Variants in TPTE2 observed in about 807,000 individuals in gnomAD.
The protein encoded by TPTE2 is transmembrane phosphoinositide 3-phosphatase and tensin homolog 2.
Under a neutral mutation model 78.6 loss-of-function variants are expected in TPTE2, and 53 were observed. The ratio of observed to expected loss-of-function variants is 0.67; its 90% CI spans 0.54 to 0.85. The LOEUF is 0.85. Ranked by LOEUF, TPTE2 falls within the 40% of genes least tolerant of loss-of-function variation. The pLI is 0.00. For missense variants in TPTE2, 461 were observed against 623.0 expected, an observed-to-expected ratio of 0.74 and a Z score of 2.77; for synonymous variants, 175 against 206.2, an observed-to-expected ratio of 0.85 and a Z score of 1.30.
chr13:19,441,161 C>T (rs968043658), intron 13 of TPTE2, among the ~76,000 whole-genome samples: 3 of 151,902 alleles, frequency 2.0e-5, no homozygotes, highest in African/African-American at 4.8e-5. Context: ...CAAATTAATA[C>T]AGGAACAAAA....
In TPTE2 at chr13:19,433,489, C is replaced by T. The variant is rs182631846; in HGVS notation, c.1117-911G>A. ...CTGCACTCTAGTCTGGGTGACAGAGCGAGACTCTGTCTCAAAAATTAAAAA... is the reference window on the plus strand; with the variant it reads ...CTGCACTCTAGTCTGGGTGACAGAGTGAGACTCTGTCTCAAAAATTAAAAA... On this transcript the variant is annotated intron_variant, in intron 15 of 19. Transcript: ENST00000400230. 5.3e-5 allele frequency among the ~76,000 whole-genome samples: 8 copies of T among 152,210 alleles called. No homozygotes were observed. The East Asian group carries it at 1.2e-3, about 22-fold the overall frequency.
chr13:19,497,613 C>G (rs1269648288), intron 1 of TPTE2, among the ~76,000 whole-genome samples: 1 of 113,460 alleles, frequency 8.8e-6, no homozygotes, highest in African/African-American at 2.6e-5. Context: ...AGAAAACTAA[C>G]AAACAGAAAG....
At chr13:19,462,645 C>T (rs1469460285) in intron 10 of TPTE2, among the ~76,000 whole-genome samples, 1 of 151,152 alleles carries the variant, frequency 6.6e-6, no homozygotes, top group East Asian at 2.0e-4. Context: ...TGGGTTTAAG[C>T]AATTCTCGTG....
chr13:19,482,612 A>G (rs931653711), intron 3 of TPTE2, 65 bp from the exon 7 acceptor site: 91 of 1,584,210 alleles, frequency 5.7e-5, no homozygotes, highest in Non-Finnish European at 3.1e-5. Context: ...AATAGTGATG[A>G]AAAATATATT....
intron 1 of TPTE2, among the ~76,000 whole-genome samples, chr13:19,498,126 GC>G (rs1402331589): frequency 6.6e-6 from 1 of 151,962 alleles, no homozygotes; most frequent in East Asian, 1.9e-4. Context: ...AATGAGCAAA[GC>G]CTCCAAGAAA....
At chr13:19,467,992 G>T (rs1376521334) in intron 6 of TPTE2, among the ~76,000 whole-genome samples, 2 of 112,548 alleles carry the variant, frequency 1.8e-5, no homozygotes, top group South Asian at 3.2e-4. Flanking sequence ...GTGATCTCTA[G>T]TTCCATCCAT....
chr13:19,453,789 A>T (rs1878357047), intron 10 of TPTE2, among the ~76,000 whole-genome samples: 1 of 152,152 alleles, frequency 6.6e-6, no homozygotes, highest in Non-Finnish European at 1.5e-5. Context: ...CAAGAACAGA[A>T]ATTAAAAGAT....
chr13:19,526,295 C>G (rs564300701), intron 1 of TPTE2, among the ~76,000 whole-genome samples: 14 of 152,206 alleles, frequency 9.2e-5, no homozygotes, highest in African/African-American at 3.4e-4. Flanking sequence ...AGGTGCCCAT[C>G]AATGGTGAAC....
At chr13:19,448,380 A>C (rs1370522164) in intron 13 of TPTE2, among the ~76,000 whole-genome samples, 1 of 152,220 alleles carries the variant, frequency 6.6e-6, no homozygotes, top group Non-Finnish European at 1.5e-5. Flanking sequence ...TTATAGAGTA[A>C]AGAGAGAACC....
chr13:19,469,789 C>T (rs375879737), intron 6 of TPTE2, among the ~76,000 whole-genome samples: 1 of 152,054 alleles, frequency 6.6e-6, no homozygotes, highest in African/African-American at 2.4e-5. Context: ...GTGGCTATTG[C>T]ATATAGGACC....
intron 1 of TPTE2, among the ~76,000 whole-genome samples, chr13:19,526,906 G>C (rs1302325904): frequency 2.6e-5 from 4 of 151,986 alleles, no homozygotes; most frequent in African/African-American, 9.7e-5. Context: ...AAATATTTCA[G>C]GTCAGATTTA....
rs766949234 is a variant in TPTE2 at position 19,465,355 on chromosome 13, T to G, written c.613-37A>C. 3.1e-6 allele frequency: 5 copies of G among 1,613,304 alleles called. No individual in the cohort carries two copies. The East Asian group carries it at 8.9e-5, about 29-fold the overall frequency. On this transcript the variant is annotated intron_variant, in intron 8 of 19. Coordinates refer to ENST00000400230, the Ensembl canonical transcript of TPTE2. ...AAATCATCATTAGTTTGTGAAACATTCATCAACATAAAAATAAAAAACATT... is the reference window on the plus strand; with the variant it reads ...AAATCATCATTAGTTTGTGAAACATGCATCAACATAAAAATAAAAAACATT...
intron 13 of TPTE2, among the ~76,000 whole-genome samples, chr13:19,445,669 T>C (rs1172363494): frequency 6.6e-6 from 1 of 152,244 alleles, no homozygotes; most frequent in Non-Finnish European, 1.5e-5. Context: ...GGGCTAGGCA[T>C]GGTGGCTCAT....
intron 6 of TPTE2, among the ~76,000 whole-genome samples, chr13:19,470,913 T>TTATA (rs1879573474): frequency 6.6e-6 from 1 of 150,426 alleles, no homozygotes; most frequent in East Asian, 2.0e-4. Flanking sequence ...ATTTATTTAT[T>TTATA]TATTTATTTA....
At chr13:19,497,459 G>T (rs1381538333) in intron 1 of TPTE2, among the ~76,000 whole-genome samples, 7 of 111,174 alleles carry the variant, frequency 6.3e-5, no homozygotes, top group South Asian at 3.7e-4. Context: ...ATCTGAGAAC[G>T]GGCAGACTGC....
chr13:19,461,301 G>T (rs776509635), intron 10 of TPTE2, among the ~76,000 whole-genome samples: 1 of 151,996 alleles, frequency 6.6e-6, no homozygotes, highest in African/African-American at 2.4e-5. Context: ...ATTTTTAACT[G>T]ACACATAATA....
intron 1 of TPTE2, among the ~76,000 whole-genome samples, chr13:19,531,095 T>C (rs1324224011): frequency 6.6e-6 from 1 of 152,200 alleles, no homozygotes; most frequent in Non-Finnish European, 1.5e-5. Context: ...TGGATTCATA[T>C]AATATTTGTT....
intron 4 of TPTE2, among the ~76,000 whole-genome samples, chr13:19,476,738 A>G (rs1482300977): frequency 1.3e-5 from 2 of 152,204 alleles, no homozygotes; most frequent in African/African-American, 4.8e-5. Context: ...GGTTGCAGAG[A>G]AAAGGGAACA....
chr13:19,546,525 C>T, the TPTE2 span, among the ~76,000 whole-genome samples: 10 of 111,560 alleles, frequency 9.0e-5, no homozygotes, highest in African/African-American at 2.7e-4. Flanking sequence ...GTTTCACTCT[C>T]GTTGCCCAGG....
Sources: gnomAD v4.1 joint callset for allele counts (sites outside exome capture counted in the v4.1 genomes callset) on GRCh38, gnomAD v4.1.1 for gene constraint, MANE v1.5 for transcripts, NCBI Gene and HGNC (gene_info 2026-07-23, HGNC 2026-07-21) for gene names.